Variants in MAK observed in about 807,000 individuals in gnomAD.
MAK encodes male germ cell associated kinase.
In MAK, 65 loss-of-function variants were observed where a neutral mutation model predicts 82.6. That is an observed-to-expected ratio of 0.79 (90% CI 0.64 to 0.97). The LOEUF (loss-of-function observed/expected upper bound fraction) is 0.97. MAK is among the 50% of genes least tolerant of loss of function. The pLI is 0.00. For missense variants in MAK, 703 were observed against 780.2 expected (o/e 0.90, Z 1.18); for synonymous variants, 250 against 274.2 (o/e 0.91, Z 0.87).
intron 8 of MAK, among the ~76,000 whole-genome samples, chr6:10,796,761 G>A (rs1159735568): frequency 6.8e-6 from 1 of 146,466 alleles, no homozygotes; most frequent in East Asian, 2.0e-4. Context: ...AGCCAAGATT[G>A]TGCCACTGCA....
chr6:10,815,936 AT>A lies in MAK; in HGVS notation c.278+1913del, dbSNP rs1561991867. Reference sequence around the variant, plus strand: ...AGTATATATATATATATATATATATATATATATATATGTATGTTTTCTTTTT... The same window carrying A: ...AGTATATATATATATATATATATATAATATATATATGTATGTTTTCTTTTT... On this transcript the variant is annotated intron_variant, in intron 4 of 14. Transcript: ENST00000354489. Among the ~76,000 whole-genome samples the A allele has an allele frequency of 8.0e-4, 61 of 76,064 alleles. 4 individuals are homozygous for A. Among genetic ancestry groups the A allele is most frequent in the African/African-American group, 2.6e-3 (59 of 22,672 alleles). 49.9% of individuals were successfully genotyped at this position (76,064 alleles called of 152,430 possible).
chr6:10,787,460 G>A (rs770654730), intron 10 of MAK, among the ~76,000 whole-genome samples: 1 of 152,158 alleles, frequency 6.6e-6, no homozygotes, highest in Non-Finnish European at 1.5e-5. Context: ...TAAAGTTTAG[G>A]CAGGAGCTTA....
intron 10 of MAK, among the ~76,000 whole-genome samples, chr6:10,787,783 C>A (rs183570771): frequency 6.6e-6 from 1 of 150,952 alleles, no homozygotes; most frequent in African/African-American, 2.4e-5. Context: ...ATGGCGTGAA[C>A]CCAGGAGGCG....
Position 10,813,125 on chromosome 6 carries a change from TATATATATAA to T in MAK, c.358+509_358+518del, listed in dbSNP as rs1561987497. Among the ~76,000 whole-genome samples, 5 of 950 alleles carry T rather than the reference TATATATATAA, an allele frequency of 5.3e-3. 1 individual carries two copies. Among genetic ancestry groups the T allele is most frequent in the Non-Finnish European group, 7.2e-3 (3 of 414 alleles). The allele number at this position is 950 out of a possible 152,430, so 0.6% of individuals were successfully genotyped here. Reference sequence around the variant, plus strand: ...ATATATATATATATATATATATATATATATATATAAATTTTTTTTTTTTTTTTTTTTTTTT... The same window carrying T: ...ATATATATATATATATATATATATATATTTTTTTTTTTTTTTTTTTTTTTT... On this transcript the variant is annotated intron_variant, in intron 5 of 14. Coordinates refer to ENST00000354489, the MANE Select transcript of MAK (RefSeq NM_001242957.3).
rs1777166050 is a variant in MAK at position 10,813,131 on chromosome 6, TA to T, written c.358+512del. On this transcript the variant is annotated intron_variant, in intron 5 of 14. Transcript: ENST00000354489. ...ATATATATATATATATATATATATA[TA>T]TAAATTTTTTTTTTTTTTTTTTTTT... Among the ~76,000 whole-genome samples, 4 of 816 alleles carry T rather than the reference TA, an allele frequency of 4.9e-3. 1 individual carries two copies. The highest frequency in any genetic ancestry group is 0.091 in the East Asian group (2 of 22). 0.5% of individuals were successfully genotyped at this position (816 alleles called of 152,430 possible).
chr6:10,832,100 AC>A (rs1277471181), intron 1 of MAK, among the ~76,000 whole-genome samples: 1 of 151,850 alleles, frequency 6.6e-6, no homozygotes, highest in Non-Finnish European at 1.5e-5. Flanking sequence ...ACAGGTGCCC[AC>A]CCCGACCCCC....
rs931498590 is a variant in MAK at position 10,791,601 on chromosome 6, T to G, written c.1316+74A>C. On this transcript the variant is annotated intron_variant, in intron 10 of 14. Transcript: ENST00000354489. Reference sequence around the variant, plus strand: ...AACTTTTCTTCTTTTAGGGTCTACATGCATTTATATTTAATGAGTAAAATA... The same window carrying G: ...AACTTTTCTTCTTTTAGGGTCTACAGGCATTTATATTTAATGAGTAAAATA... The G allele has an allele frequency of 1.1e-5, 15 of 1,370,506 alleles. No individual in the cohort carries two copies. The African/African-American group carries it at 2.1e-4, about 20-fold the overall frequency. 84.9% of individuals were successfully genotyped at this position (1,370,506 alleles called of 1,614,324 possible). A position where few individuals can be genotyped will look rare whatever the true frequency, so the allele number is the denominator to read the frequency against.
intron 9 of MAK, among the ~76,000 whole-genome samples, chr6:10,792,829 A>G (rs1384922013): frequency 2.6e-5 from 4 of 152,180 alleles, no homozygotes; most frequent in Non-Finnish European, 1.5e-5. Context: ...TCTCTACACT[A>G]TTACTTTCTC....
chr6:10,818,774 A>T, intron 3 of MAK, 112 bp downstream of exon 3: 1 of 711,104 alleles, frequency 1.4e-6, no homozygotes, highest in Admixed American at 2.2e-5. Flanking sequence ...ATAAAGGAAA[A>T]ACAAACAAAA....
chr6:10,774,599 A>G (rs1773309794), intron 12 of MAK, among the ~76,000 whole-genome samples: 2 of 152,148 alleles, frequency 1.3e-5, no homozygotes, highest in African/African-American at 4.8e-5. Context: ...TCATATACTG[A>G]TCTCATAAAA....
intron 12 of MAK, among the ~76,000 whole-genome samples, chr6:10,774,006 T>C (rs1451815368): frequency 1.3e-5 from 2 of 152,100 alleles, no homozygotes; most frequent in Admixed American, 1.3e-4. Flanking sequence ...GCCAAAACTA[T>C]TAGTGATTTT....
intron 10 of MAK, among the ~76,000 whole-genome samples, chr6:10,788,054 C>G (rs1774741471): frequency 6.6e-6 from 1 of 151,546 alleles, no homozygotes; most frequent in African/African-American, 2.4e-5. Flanking sequence ...GCTCTGTTGC[C>G]CAGGCTGGGG....
At position 10,815,945 on chromosome 6, in the gene MAK, T is replaced by TATAA. The variant is rs1171616235; in HGVS notation, c.278+1904_278+1905insTTAT. On this transcript the variant is annotated intron_variant, in intron 4 of 14. Coordinates refer to ENST00000354489, the MANE Select transcript of MAK (RefSeq NM_001242957.3). ...ATATATATATATATATATATATATATATGTATGTTTTCTTTTTTGTTTGAG... is the reference window on the plus strand; with the variant it reads ...ATATATATATATATATATATATATATATAAATGTATGTTTTCTTTTTTGTTTGAG... 1.8e-4 allele frequency among the ~76,000 whole-genome samples: 21 copies of TATAA among 116,852 alleles called. 1 individual carries two copies. Among genetic ancestry groups the TATAA allele is most frequent in the African/African-American group, 7.5e-4 (20 of 26,604 alleles). 76.7% of individuals were successfully genotyped at this position (116,852 alleles called of 152,430 possible).
intron 2 of MAK, among the ~76,000 whole-genome samples, chr6:10,828,254 T>C (rs1344513694): frequency 1.3e-5 from 2 of 152,184 alleles, no homozygotes; most frequent in Non-Finnish European, 2.9e-5. Flanking sequence ...GATGTGGTAA[T>C]GTGGAGATGC....
rs142650940 is a variant in MAK, at chr6:10,787,717, C to T, written c.1317-3145G>A. On this transcript the variant is annotated intron_variant, in intron 10 of 14. Transcript: ENST00000354489. The stretch of plus-strand genomic sequence containing the variant: ...ACTAAAAAAAATACAAAAAATTAGC[C>T]GAGTGTGGTGGTGGGCACCTGCAGT... Among the ~76,000 whole-genome samples the T allele has an allele frequency of 6.4e-3, 971 of 151,718 alleles. 9 individuals carry two copies. Among genetic ancestry groups the T allele is most frequent in the African/African-American group, 0.021 (882 of 41,380 alleles).
At chr6:10,832,846 C>G (rs1291337767) in intron 1 of MAK, among the ~76,000 whole-genome samples, 1 of 152,030 alleles carries the variant, frequency 6.6e-6, no homozygotes, top group African/African-American at 2.4e-5. Context: ...TTTTTCTAGA[C>G]AAAATGCTAT....
intron 9 of MAK, 72 bp from the exon 10 acceptor site, chr6:10,791,919 A>G (rs1775125023): frequency 1.4e-6 from 2 of 1,475,460 alleles, no homozygotes; most frequent in South Asian, 2.3e-5. Flanking sequence ...GCTACTATCT[A>G]TGTAAGACAC....
intron 10 of MAK, among the ~76,000 whole-genome samples, chr6:10,790,428 A>C (rs1357294253): frequency 6.6e-6 from 1 of 151,728 alleles, no homozygotes; most frequent in African/African-American, 2.4e-5. Flanking sequence ...AAAAAAAAAG[A>C]AAGTATCTTT....
chr6:10,823,567 T>G (rs1299730892), intron 2 of MAK, among the ~76,000 whole-genome samples: 1 of 152,208 alleles, frequency 6.6e-6, no homozygotes, highest in Non-Finnish European at 1.5e-5. Flanking sequence ...TCTCACTCTG[T>G]TGCCTGGGCT....
Sources: allele counts gnomAD v4.1 joint callset (sites outside exome capture counted in the v4.1 genomes callset), GRCh38; gene constraint gnomAD v4.1.1; transcripts MANE v1.5; gene names NCBI Gene and HGNC (gene_info 2026-07-23, HGNC 2026-07-21).